MID1: variants seen among roughly 807,000 people sequenced by gnomAD.
MID1 encodes E3 ubiquitin-protein ligase Midline-1.
Under a neutral mutation model 40.4 loss-of-function variants are expected in MID1, and 7 were observed. The observed-to-expected ratio is 0.17, with a 90% CI of 0.10 to 0.33. The LOEUF is 0.33. Ranked by LOEUF, MID1 falls within the 10% of genes least tolerant of loss-of-function variation. The pLI, the probability that MID1 is intolerant of heterozygous loss-of-function variation, is 1.00. For missense variants in MID1, 367 were observed against 558.5 expected, an observed-to-expected ratio of 0.66 and a Z score of 3.46; for synonymous variants, 229 against 221.2, an observed-to-expected ratio of 1.04 and a Z score of -0.31.
intron 4 of MID1, among the ~76,000 whole-genome samples, chrX:10,493,626 T>C (rs1931074993): frequency 8.9e-6 from 1 of 111,969 alleles, no homozygotes; most frequent in African/African-American, 3.2e-5. Flanking sequence ...CATGGCATGG[T>C]GAAAACAGCA....
chrX:10,763,017 G>C (rs1355096563), intron 1 of MID1, among the ~76,000 whole-genome samples: 1 of 110,999 alleles, frequency 9.0e-6, no homozygotes, highest in African/African-American at 3.3e-5. Context: ...TTCTGAAAAC[G>C]GTCAGATAGT....
At position 10,656,183 on chromosome X, in the gene MID1, T is replaced by C. The variant is rs141742841; in HGVS notation, c.-186-35764A>G. Among the ~76,000 whole-genome samples the C allele has an allele frequency of 9.3e-3, 1,041 of 112,179 alleles. 16 individuals are homozygous for C. Among genetic ancestry groups the C allele is most frequent in the African/African-American group, 0.032 (1,001 of 30,866 alleles). ...GCTTCTTGTGCTTGTGTCATTGACT[T>C]GGTGCCCTGTTCATTAATTTAGTTA... is the stretch of plus-strand genomic sequence containing the variant. On this transcript the variant is annotated intron_variant, in intron 1 of 10. Coordinates refer to the MID1 transcript ENST00000380785.
chrX:10,454,578 T>C (rs1928538445), intron 9 of MID1, among the ~76,000 whole-genome samples: 1 of 111,800 alleles, frequency 8.9e-6, no homozygotes, highest in Non-Finnish European at 1.9e-5. Context: ...TGCCAACCCA[T>C]GTTTCATGGC....
intron 1 of MID1, among the ~76,000 whole-genome samples, chrX:10,655,736 G>A (rs1479857609): frequency 1.8e-5 from 2 of 110,822 alleles, no homozygotes; most frequent in Non-Finnish European, 3.8e-5. Context: ...GCTTGTGCTC[G>A]CTGGCCGCTG....
At chrX:10,668,836 TA>T (rs2042966713) in intron 1 of MID1, among the ~76,000 whole-genome samples, 1 of 112,753 alleles carries the variant, frequency 8.9e-6, no homozygotes, top group South Asian at 3.6e-4. Context: ...CTTATGCTAT[TA>T]GTCTTTGCAG....
intron 1 of MID1, among the ~76,000 whole-genome samples, chrX:10,580,603 T>C (rs1198756001): frequency 1.8e-5 from 2 of 111,799 alleles, no homozygotes; most frequent in Admixed American, 9.5e-5. Context: ...TCATAGCTTA[T>C]TGGACTTATC....
intron 5 of MID1, 80 bp from the exon 6 acceptor site, chrX:10,474,830 AAAAT>A: frequency 1.9e-6 from 2 of 1,050,645 alleles, no homozygotes; most frequent in East Asian, 3.1e-5. Flanking sequence ...AAAGAAAAGG[AAAAT>A]AAATATCTCT....
intron 1 of MID1, among the ~76,000 whole-genome samples, chrX:10,610,218 T>C (rs1349126367): frequency 8.9e-6 from 1 of 112,223 alleles, no homozygotes; most frequent in Admixed American, 9.4e-5. Flanking sequence ...GGGGCAGTGC[T>C]CTCACACAGG....
chrX:10,591,477 T>C (rs1294179384), intron 1 of MID1, among the ~76,000 whole-genome samples: 3 of 112,265 alleles, frequency 2.7e-5, no homozygotes, highest in Non-Finnish European at 5.6e-5. Context: ...TTCACAACTT[T>C]AGTCATTTTC....
chrX:10,773,725 G>C (rs1184475139), intron 1 of MID1, among the ~76,000 whole-genome samples: 1 of 111,949 alleles, frequency 8.9e-6, no homozygotes, highest in African/African-American at 3.2e-5. Context: ...TCAAATCAAG[G>C]ATGCGGCTTC....
intron 1 of MID1, among the ~76,000 whole-genome samples, chrX:10,786,025 C>G (rs1410248655): frequency 9.0e-6 from 1 of 111,403 alleles, no homozygotes; most frequent in African/African-American, 3.3e-5. Flanking sequence ...TCAGAGTGAA[C>G]AGGCAACCTA....
At chrX:10,604,203 C>T (rs1348385359) in intron 1 of MID1, among the ~76,000 whole-genome samples, 1 of 111,266 alleles carries the variant, frequency 9.0e-6, no homozygotes, top group African/African-American at 3.3e-5. Context: ...TAAAAACAGT[C>T]TTTTGAAATA....
intron 1 of MID1, among the ~76,000 whole-genome samples, chrX:10,814,797 A>G (rs1013916160): frequency 1.8e-5 from 2 of 111,981 alleles, no homozygotes; most frequent in African/African-American, 6.5e-5. Flanking sequence ...GGAATCATAT[A>G]GTATGTAATT....
intron 1 of MID1, among the ~76,000 whole-genome samples, chrX:10,668,622 CCT>C (rs1210167447): frequency 8.9e-6 from 1 of 112,285 alleles, no homozygotes; most frequent in Non-Finnish European, 1.9e-5. Context: ...TAGCTTCACG[CCT>C]CTGTACATTT....
At chrX:10,768,418 G>A (rs2043745454) in intron 1 of MID1, among the ~76,000 whole-genome samples, 1 of 111,689 alleles carries the variant, frequency 9.0e-6, no homozygotes, top group African/African-American at 3.3e-5. Context: ...ATTAAACAAA[G>A]GTGATGTGTC....
At chrX:10,671,329 T>C (rs768620884) in intron 1 of MID1, among the ~76,000 whole-genome samples, 2 of 112,413 alleles carry the variant, frequency 1.8e-5, no homozygotes, top group African/African-American at 6.5e-5. Context: ...ACAAATTGCA[T>C]GATGTTGGGC....
Position 10,591,628 on chromosome X carries a change from C to T in MID1, c.-56-24025G>A, listed in dbSNP as rs1935301964. On this transcript the variant is annotated intron_variant, in intron 1 of 9. Transcript: ENST00000317552. ...ACTGCCAGCTACCCTCCTCCAAGCA[C>T]CGACTGCCAAAACATCACAGTCCAA... 2.7e-5 allele frequency among the ~76,000 whole-genome samples: 3 copies of T among 111,308 alleles called. No homozygotes were observed. The South Asian group carries it at 1.2e-3, about 43-fold the overall frequency.
At chrX:10,652,386 A>G (rs759976434) in intron 1 of MID1, among the ~76,000 whole-genome samples, 10 of 110,911 alleles carry the variant, frequency 9.0e-5, no homozygotes, top group African/African-American at 3.3e-4. Context: ...CCAGCATCCA[A>G]TCTTATAAGA....
intron 1 of MID1, among the ~76,000 whole-genome samples, chrX:10,614,191 T>C (rs1331404307): frequency 1.8e-5 from 2 of 111,493 alleles, no homozygotes; most frequent in East Asian, 5.7e-4. Context: ...AGCTATTTTC[T>C]TTCCATTTAT....
Sources: allele counts gnomAD v4.1 joint callset (sites outside exome capture counted in the v4.1 genomes callset), GRCh38; gene constraint gnomAD v4.1.1; transcripts MANE v1.5; gene names NCBI Gene and HGNC (gene_info 2026-07-23, HGNC 2026-07-21).